Variants in ADAM2 observed in about 807,000 individuals in gnomAD.
ADAM2 encodes the protein ADAM metallopeptidase domain 2.
In ADAM2, 101 loss-of-function variants were observed where a neutral mutation model predicts 99.3. The ratio of observed to expected loss-of-function variants is 1.02; its 90% CI spans 0.87 to 1.20. ADAM2 has a LOEUF of 1.20. Among genes scored for constraint, ADAM2 ranks in the 50% most tolerant of loss-of-function variants. The pLI, the probability that ADAM2 is intolerant of heterozygous loss-of-function variation, is 0.00. For synonymous variants in ADAM2, 323 were observed against 287.6 expected (o/e 1.12, Z -1.25); for missense variants, 948 against 878.7 (o/e 1.08, Z -1.00).
Position 39,749,394 on chromosome 8 carries a change from G to A in ADAM2, c.1932C>T (p.Cys644=), listed in dbSNP as rs537727810. 3.2e-4 allele frequency: 514 copies of A among 1,613,298 alleles called. 9 individuals carry two copies. The South Asian group carries it at 5.4e-3, about 17-fold the overall frequency. ...CAGGCCATAGATCTGATTGAACTGA[G>A]CAATCTGGAGGTAAATATGAAGCAC... The part of the protein sequence containing the change: ...HCSASYLPPD[C]SVQSDLWPGG... The change falls in exon 18 of 21, where the codon TGC becomes TGT. Residue 644 remains cysteine (C), a synonymous_variant. Coordinates refer to ENST00000265708, the MANE Select transcript of ADAM2 (RefSeq NM_001464.5).
chr8:39,794,005 G>A (rs1048210986), intron 7 of ADAM2, among the ~76,000 whole-genome samples: 1 of 152,130 alleles, frequency 6.6e-6, no homozygotes, highest in Non-Finnish European at 1.5e-5. Flanking sequence ...AATCTTAAAA[G>A]TCTGTTTTAG....
intron 7 of ADAM2, among the ~76,000 whole-genome samples, chr8:39,800,106 T>C (rs1804138272): frequency 6.6e-6 from 1 of 152,200 alleles, no homozygotes; most frequent in South Asian, 2.1e-4. Flanking sequence ...GTTGATGCAG[T>C]TTCTTTGTAG....
intron 12 of ADAM2, 61 bp from the exon 13 acceptor site, chr8:39,767,312 T>G: frequency 1.4e-6 from 2 of 1,391,052 alleles, no homozygotes; most frequent in African/African-American, 1.4e-5. Flanking sequence ...TGGACAGGCA[T>G]GTTCATAAAG....
intron 7 of ADAM2, among the ~76,000 whole-genome samples, chr8:39,802,918 C>T (rs2129586518): frequency 6.6e-6 from 1 of 152,212 alleles, no homozygotes; most frequent in Non-Finnish European, 1.5e-5. Context: ...AAAACTGAAC[C>T]TCTATAACCA....
intron 7 of ADAM2, among the ~76,000 whole-genome samples, chr8:39,795,588 A>G (rs1803903917): frequency 6.6e-6 from 1 of 152,158 alleles, no homozygotes; most frequent in Non-Finnish European, 1.5e-5. Flanking sequence ...GCCCTTCCAG[A>G]CTGAACCAAT....
At chr8:39,755,253 T>C (rs1305245424) in intron 16 of ADAM2, among the ~76,000 whole-genome samples, 1 of 152,188 alleles carries the variant, frequency 6.6e-6, no homozygotes, top group Non-Finnish European at 1.5e-5. Context: ...ACCAGCGAAA[T>C]AGTCATAGCA....
intron 14 of ADAM2, among the ~76,000 whole-genome samples, chr8:39,764,842 T>A (rs1802505800): frequency 6.6e-6 from 1 of 151,862 alleles, no homozygotes; most frequent in Admixed American, 6.6e-5. Context: ...GGCAAAACCC[T>A]ATCTCTATTA....
chr8:39,826,187 C>T (rs1488230388), intron 3 of ADAM2, among the ~76,000 whole-genome samples: 2 of 152,142 alleles, frequency 1.3e-5, no homozygotes, highest in African/African-American at 2.4e-5. Flanking sequence ...TGACTTCAAA[C>T]TATACTGTAT....
chr8:39,831,884 C>A (rs1217389637), intron 3 of ADAM2, among the ~76,000 whole-genome samples: 9 of 151,962 alleles, frequency 5.9e-5, no homozygotes, highest in African/African-American at 2.2e-4. Flanking sequence ...TTAAAAGCAT[C>A]CCAGGAAAGG....
At chr8:39,768,923 A>G (rs1802668177) in intron 12 of ADAM2, among the ~76,000 whole-genome samples, 1 of 152,218 alleles carries the variant, frequency 6.6e-6, no homozygotes, top group African/African-American at 2.4e-5. Context: ...ATATTGTATC[A>G]TATACTTGAA....
At chr8:39,823,392 A>G (rs1210085649) in intron 4 of ADAM2, among the ~76,000 whole-genome samples, 1 of 152,174 alleles carries the variant, frequency 6.6e-6, no homozygotes, top group Non-Finnish European at 1.5e-5. Flanking sequence ...TTTTCCTAGG[A>G]TAGAGGTAGG....
chr8:39,826,363 C>A (rs1209497032), intron 3 of ADAM2, among the ~76,000 whole-genome samples: 2 of 152,136 alleles, frequency 1.3e-5, no homozygotes, highest in African/African-American at 4.8e-5. Flanking sequence ...TCAATGAAAT[C>A]ACATAGAGAA....
intron 14 of ADAM2, among the ~76,000 whole-genome samples, chr8:39,764,618 A>G (rs1802491230): frequency 2.0e-5 from 3 of 152,190 alleles, no homozygotes; most frequent in Non-Finnish European, 4.4e-5. Context: ...GGACCTCACA[A>G]TAAAGCTTTC....
At chr8:39,762,122 G>A (rs1802395398) in intron 14 of ADAM2, among the ~76,000 whole-genome samples, 1 of 152,148 alleles carries the variant, frequency 6.6e-6, no homozygotes, top group Admixed American at 6.5e-5. Context: ...TACTTAAAAA[G>A]CAGTTTATTT....
intron 7 of ADAM2, among the ~76,000 whole-genome samples, chr8:39,802,588 T>C (rs989223464): frequency 6.6e-6 from 1 of 152,174 alleles, no homozygotes; most frequent in South Asian, 2.1e-4. Context: ...TTTTCTGACT[T>C]GGAATCACTA....
chr8:39,791,580 C>A (rs1284993863), intron 7 of ADAM2, among the ~76,000 whole-genome samples: 5 of 151,942 alleles, frequency 3.3e-5, no homozygotes, highest in Non-Finnish European at 5.9e-5. Context: ...CTCACCAAAC[C>A]CAGAATTTGT....
chr8:39,818,358 C>G (rs1390224998), intron 6 of ADAM2, among the ~76,000 whole-genome samples: 1 of 151,986 alleles, frequency 6.6e-6, no homozygotes, highest in African/African-American at 2.4e-5. Flanking sequence ...ACAAAAATAT[C>G]TGACAAAATC....
At chr8:39,762,744 C>G (rs1297130189) in intron 14 of ADAM2, among the ~76,000 whole-genome samples, 1 of 152,146 alleles carries the variant, frequency 6.6e-6, no homozygotes, top group Non-Finnish European at 1.5e-5. Flanking sequence ...TCTATTCTGC[C>G]CTTTTAATTG....
intron 18 of ADAM2, among the ~76,000 whole-genome samples, chr8:39,748,385 C>T (rs1823560140): frequency 6.6e-6 from 1 of 152,064 alleles, no homozygotes; most frequent in South Asian, 2.1e-4. Flanking sequence ...GGAAGATAAG[C>T]TAATTGTTGC....
Sources: allele counts gnomAD v4.1 joint callset (sites outside exome capture counted in the v4.1 genomes callset), GRCh38; gene constraint gnomAD v4.1.1; transcripts MANE v1.5; gene names NCBI Gene and HGNC (gene_info 2026-07-23, HGNC 2026-07-21).